ARHGEF7: variants seen among roughly 807,000 people sequenced by gnomAD.
ARHGEF7 encodes Rho guanine nucleotide exchange factor 7.
In ARHGEF7, 33 loss-of-function variants were observed where a neutral mutation model predicts 109.8. The observed-to-expected ratio is 0.30, with a 90% CI of 0.23 to 0.40. The LOEUF (loss-of-function observed/expected upper bound fraction) is 0.40. ARHGEF7 is among the 10% of genes least tolerant of loss of function. The probability of loss-of-function intolerance (pLI) is 1.00; values close to 1 mark genes in which losing one functional copy is unlikely to be tolerated. For synonymous variants in ARHGEF7, 458 were observed against 424.6 expected, an observed-to-expected ratio of 1.08 and a Z score of -0.97; for missense variants, 938 against 1,098.5, an observed-to-expected ratio of 0.85 and a Z score of 2.07.
At position 111,266,694 on chromosome 13, in the gene ARHGEF7, A is replaced by G. The variant is rs138273071; in HGVS notation, c.951-854A>G. On this transcript the variant is annotated intron_variant, in intron 8 of 21. Coordinates refer to ENST00000646102, the MANE Select transcript of ARHGEF7 (RefSeq NM_001354046.2). This position sits in a 1 kb window ranked among gnomAD's most constrained non-coding sequence, Gnocchi z 4.8. ...ATCCCTGGTGTTCATGTTTTTGGTC[A>G]CTTTTTCTCTGGCTCCCATTCCCTA... is the stretch of plus-strand genomic sequence containing the variant. The G allele has an allele frequency of 2.5e-6, 1 of 400,874 alleles. No homozygotes were observed. The highest frequency in any genetic ancestry group is 2.1e-5 in the African/African-American group (1 of 48,536). 24.8% of individuals were successfully genotyped at this position (400,874 alleles called of 1,614,324 possible).
At chr13:111,227,917 T>C (rs991034444) in intron 5 of ARHGEF7, among the ~76,000 whole-genome samples, 2 of 152,256 alleles carry the variant, frequency 1.3e-5, no homozygotes, top group African/African-American at 4.8e-5. Context: ...CCTGTTGCAT[T>C]GTCAAGGTTG....
At chr13:111,170,286 C>T (rs138142144) in intron 2 of ARHGEF7, among the ~76,000 whole-genome samples, 2,365 of 152,252 alleles carry the variant, frequency 0.016, 53 homozygotes, top group African/African-American at 0.054. Flanking sequence ...TTAATAGAGA[C>T]GAGGTCTTGC....
At chr13:111,252,261 C>A (rs150062474) in intron 8 of ARHGEF7, among the ~76,000 whole-genome samples, 1 of 152,254 alleles carries the variant, frequency 6.6e-6, no homozygotes, top group African/African-American at 2.4e-5. Flanking sequence ...CCTTCCACTT[C>A]TCTAAGCTTT....
chr13:111,259,376 A>G (rs1170091548), intron 8 of ARHGEF7, among the ~76,000 whole-genome samples: 1 of 152,056 alleles, frequency 6.6e-6, no homozygotes, highest in Non-Finnish European at 1.5e-5. Flanking sequence ...CCAGCTACTC[A>G]TCTCACACAC....
chr13:111,196,319 C>G (rs762937237), intron 2 of ARHGEF7, among the ~76,000 whole-genome samples: 2 of 152,204 alleles, frequency 1.3e-5, no homozygotes, highest in African/African-American at 2.4e-5. Context: ...GAATTTGTCC[C>G]TTTCTTCGGC....
At chr13:111,231,380 C>T (rs2086028134) in intron 5 of ARHGEF7, among the ~76,000 whole-genome samples, 1 of 152,150 alleles carries the variant, frequency 6.6e-6, no homozygotes, top group Admixed American at 6.5e-5. Context: ...TGTTTTCCAT[C>T]CTGTGGGCAG....
intron 5 of ARHGEF7, among the ~76,000 whole-genome samples, chr13:111,221,532 T>TAGATATATAGA (rs1566876331): frequency 2.7e-5 from 1 of 36,660 alleles, no homozygotes; most frequent in Non-Finnish European, 5.4e-5. Context: ...TCTATATATA[T>TAGATATATAGA]CTATATATAG....
intron 6 of ARHGEF7, chr13:111,241,387 C>T: frequency 6.5e-7 from 1 of 1,530,442 alleles, no homozygotes; most frequent in South Asian, 1.2e-5. Context: ...CAGCAACCTC[C>T]TGGCAGAGGG....
chr13:111,264,153 A>G (rs1449162565), intron 8 of ARHGEF7, among the ~76,000 whole-genome samples: 2 of 152,194 alleles, frequency 1.3e-5, no homozygotes, highest in East Asian at 3.8e-4. Flanking sequence ...TAAACAGTAA[A>G]GCACCATAAT....
intron 8 of ARHGEF7, among the ~76,000 whole-genome samples, chr13:111,263,164 T>C (rs1314262155): frequency 6.6e-6 from 1 of 152,236 alleles, no homozygotes; most frequent in Non-Finnish European, 1.5e-5. Context: ...TGGCACGTTA[T>C]GCTCGAGTCC....
At chr13:111,243,399 C>T (rs9515398) in intron 6 of ARHGEF7, among the ~76,000 whole-genome samples, 48,830 of 152,108 alleles carry the variant, frequency 0.32, 8,553 homozygotes, top group Non-Finnish European at 0.39. Flanking sequence ...TTGTTGTCCA[C>T]GCCCCCATCC....
chr13:111,236,527 C>T (rs1305375862), intron 6 of ARHGEF7, among the ~76,000 whole-genome samples: 1 of 152,234 alleles, frequency 6.6e-6, no homozygotes, highest in African/African-American at 2.4e-5. Context: ...ACCTAGAGCA[C>T]TTCTGTAGTT....
chr13:111,286,013 T>C, intron 16 of ARHGEF7, 134 bp from the exon 17 acceptor site: 1 of 633,704 alleles, frequency 1.6e-6, no homozygotes, highest in South Asian at 2.1e-5. Flanking sequence ...AAAATCAAAG[T>C]AGGAAAAGGC....
rs1353122521 is a variant in ARHGEF7 at position 111,123,870 on chromosome 13, C to T, written c.165+8179C>T. On this transcript the variant is annotated intron_variant, in intron 1 of 21. Transcript: ENST00000646102. Reference sequence around the variant, plus strand: ...GTTGGCTGGTGGGCTGCGCCCCCCCCCCCCGGCCCCGCCCCCTGCCCCTGC... The same window carrying T: ...GTTGGCTGGTGGGCTGCGCCCCCCCTCCCCGGCCCCGCCCCCTGCCCCTGC... Among the ~76,000 whole-genome samples, 4 of 146,358 alleles carry T rather than the reference C, an allele frequency of 2.7e-5. 1 individual carries two copies. Among genetic ancestry groups the T allele is most frequent in the Admixed American group, 1.4e-4 (2 of 14,712 alleles).
rs1343043863 is a variant in ARHGEF7, at chr13:111,292,068, C to T, written c.2135-50C>T. On this transcript the variant is annotated intron_variant, in intron 18 of 21. Transcript: ENST00000646102. ...TGGTTGTGGCTCTTCCTGTCGTTCT[C>T]CTCCTCACCCCCTGCCTGTCGCGCC... is the stretch of plus-strand genomic sequence containing the variant. 2.6e-6 allele frequency: 4 copies of T among 1,529,792 alleles called. No individual in the cohort carries two copies. In the Admixed American group the frequency reaches 5.1e-5, roughly 20 times the overall value. 94.8% of individuals were successfully genotyped at this position (1,529,792 alleles called of 1,614,324 possible).
chr13:111,187,493 T>C (rs555183353), intron 2 of ARHGEF7, among the ~76,000 whole-genome samples: 2 of 152,372 alleles, frequency 1.3e-5, no homozygotes, highest in South Asian at 4.1e-4. Context: ...TGCGAACCAA[T>C]AATTTCCTTT....
At chr13:111,296,565 C>T (rs1173246381) in intron 19 of ARHGEF7, among the ~76,000 whole-genome samples, 2 of 152,170 alleles carry the variant, frequency 1.3e-5, no homozygotes, top group Admixed American at 6.5e-5. Flanking sequence ...TTACTCCCAC[C>T]TCCATACGGA....
At chr13:111,209,514 G>T (rs1461618104) in intron 3 of ARHGEF7, among the ~76,000 whole-genome samples, 1 of 152,188 alleles carries the variant, frequency 6.6e-6, no homozygotes, top group East Asian at 1.9e-4. Context: ...TGATGCTTTG[G>T]AGAATCAGTA....
At chr13:111,203,334 G>C (rs1373585112) in intron 2 of ARHGEF7, among the ~76,000 whole-genome samples, 5 of 152,202 alleles carry the variant, frequency 3.3e-5, no homozygotes, top group African/African-American at 7.2e-5. Flanking sequence ...AGCTTAACCC[G>C]TATTTGTTAT....
Sources: gnomAD v4.1 joint callset for allele counts (sites outside exome capture counted in the v4.1 genomes callset) on GRCh38, gnomAD v4.1.1 for gene constraint, Gnocchi (gnomAD v3.1) non-coding constraint, MANE v1.5 for transcripts, NCBI Gene and HGNC (gene_info 2026-07-23, HGNC 2026-07-21) for gene names.